SINHCAF: variants seen among roughly 807,000 people sequenced by gnomAD.
SINHCAF encodes the protein SIN3-HDAC complex-associated factor.
In SINHCAF, 3 loss-of-function variants were observed where a neutral mutation model predicts 25.8. That is an observed-to-expected ratio of 0.12 (90% CI 0.05 to 0.30). The LOEUF is 0.30. SINHCAF is among the 10% of genes least tolerant of loss of function. The probability of loss-of-function intolerance (pLI) is 1.00; values close to 1 mark genes in which losing one functional copy is unlikely to be tolerated. For synonymous variants in SINHCAF, 70 were observed against 85.5 expected, an observed-to-expected ratio of 0.82 and a Z score of 1.00; for missense variants, 121 against 262.3, an observed-to-expected ratio of 0.46 and a Z score of 3.72.
At chr12:31,319,461 A>T (rs1380692614) in intron 1 of SINHCAF, among the ~76,000 whole-genome samples, 1 of 152,234 alleles carries the variant, frequency 6.6e-6, no homozygotes, top group Non-Finnish European at 1.5e-5. Flanking sequence ...CCAGAGGCAG[A>T]GGTTGCAGTG....
chr12:31,318,254 A>G (rs1939567861), intron 1 of SINHCAF, among the ~76,000 whole-genome samples: 1 of 152,236 alleles, frequency 6.6e-6, no homozygotes, highest in Non-Finnish European at 1.5e-5. Context: ...AAGGAAACCC[A>G]TGGAGCAGTA....
intron 2 of SINHCAF, among the ~76,000 whole-genome samples, chr12:31,296,045 TA>T (rs917242546): frequency 1.3e-5 from 2 of 151,850 alleles, no homozygotes; most frequent in African/African-American, 2.4e-5. Context: ...TAATTTAATT[TA>T]AAAAAATGCT....
intron 4 of SINHCAF, among the ~76,000 whole-genome samples, chr12:31,292,088 A>C (rs1176214008): frequency 6.6e-6 from 1 of 152,222 alleles, no homozygotes; most frequent in Non-Finnish European, 1.5e-5. Flanking sequence ...AGTAAGACAA[A>C]AGTGAGATAT....
intron 1 of SINHCAF, among the ~76,000 whole-genome samples, chr12:31,305,657 A>G (rs1938991451): frequency 1.3e-5 from 2 of 151,574 alleles, no homozygotes; most frequent in South Asian, 4.2e-4. Context: ...AGAGGAACTA[A>G]GGGTGGTAGG....
At chr12:31,294,074 G>A in intron 3 of SINHCAF, 143 bp from the exon 4 acceptor site, 1 of 546,666 alleles carries the variant, frequency 1.8e-6, no homozygotes, top group Non-Finnish European at 3.1e-6. Flanking sequence ...ATCATCACAT[G>A]ACATAAGGGA....
chr12:31,307,898 AAGAG>A (rs1939102618), intron 1 of SINHCAF, among the ~76,000 whole-genome samples: 1 of 152,154 alleles, frequency 6.6e-6, no homozygotes, highest in Admixed American at 6.5e-5. Context: ...CATGAACAGA[AAGAG>A]AGAAAGTTCA....
At chr12:31,303,742 T>C (rs751303198) in intron 1 of SINHCAF, 4 of 152,246 alleles carry the variant, frequency 2.6e-5, no homozygotes, top group Non-Finnish European at 4.4e-5. Flanking sequence ...GTAAGTGTGA[T>C]GACTGGGCAT....
chr12:31,287,513 T>C, intron 5 of SINHCAF, 121 bp downstream of exon 5: 2 of 620,402 alleles, frequency 3.2e-6, no homozygotes, highest in Non-Finnish European at 5.3e-6. Context: ...TCCTGCTTAA[T>C]CCACTGCAAT....
chr12:31,298,600 A>C, intron 1 of SINHCAF: 2 of 241,184 alleles, frequency 8.3e-6, no homozygotes, highest in South Asian at 5.6e-5. Flanking sequence ...TTTAAGACAC[A>C]CCTTTTTATT....
intron 5 of SINHCAF, among the ~76,000 whole-genome samples, chr12:31,286,791 T>TTA (rs1365222200): frequency 6.6e-6 from 1 of 152,244 alleles, no homozygotes; most frequent in Admixed American, 6.5e-5. Flanking sequence ...GGTATCAAAC[T>TTA]TATATCAGCC....
chr12:31,312,869 C>G (rs1939331079), intron 1 of SINHCAF, among the ~76,000 whole-genome samples: 1 of 152,186 alleles, frequency 6.6e-6, no homozygotes, highest in Non-Finnish European at 1.5e-5. Context: ...CCATTATTAT[C>G]TTCCAGAAGT....
intron 5 of SINHCAF, 133 bp from the exon 6 acceptor site, chr12:31,283,004 T>C (rs527672745): frequency 1.6e-6 from 1 of 631,484 alleles, no homozygotes; most frequent in Admixed American, 3.8e-5. Context: ...ACATTCCAAG[T>C]GAAAGGGCTC....
chr12:31,323,647 G>A (rs1201858422), intron 1 of SINHCAF, among the ~76,000 whole-genome samples: 3 of 152,062 alleles, frequency 2.0e-5, no homozygotes, highest in African/African-American at 7.2e-5. Context: ...ACCACCTCAA[G>A]AAACCAACTC....
At chr12:31,285,483 A>T (rs1017628562) in intron 5 of SINHCAF, among the ~76,000 whole-genome samples, 1 of 151,176 alleles carries the variant, frequency 6.6e-6, no homozygotes, top group Non-Finnish European at 1.5e-5. Flanking sequence ...ACAATATTGT[A>T]TGATTTTTAC....
chr12:31,295,842 A>AG (rs1181573116), intron 2 of SINHCAF, among the ~76,000 whole-genome samples: 3 of 151,966 alleles, frequency 2.0e-5, no homozygotes, highest in Non-Finnish European at 2.9e-5. Flanking sequence ...ACTGCACTCC[A>AG]GCCTGGGCAA....
intron 1 of SINHCAF, among the ~76,000 whole-genome samples, chr12:31,300,313 A>G (rs1413521550): frequency 6.6e-6 from 1 of 152,208 alleles, no homozygotes; most frequent in African/African-American, 2.4e-5. Context: ...TTGTTAATAA[A>G]CTGTTCCTCT....
chr12:31,304,349 C>A (rs1938939599), intron 1 of SINHCAF: 2 of 152,162 alleles, frequency 1.3e-5, no homozygotes, highest in Non-Finnish European at 1.5e-5. Context: ...TGATATATAA[C>A]AAATGAGACG....
At chr12:31,316,803 A>T (rs147919974) in intron 1 of SINHCAF, among the ~76,000 whole-genome samples, 1 of 152,320 alleles carries the variant, frequency 6.6e-6, no homozygotes, top group Non-Finnish European at 1.5e-5. Context: ...CAAATTTTAG[A>T]GCTTTAGTAC....
At chr12:31,313,144 C>G (rs1323659563) in intron 1 of SINHCAF, among the ~76,000 whole-genome samples, 1 of 152,174 alleles carries the variant, frequency 6.6e-6, no homozygotes, top group Non-Finnish European at 1.5e-5. Flanking sequence ...CCTGCCTCAG[C>G]CTCCCAAGTA....
Sources: gnomAD v4.1 joint callset for allele counts (sites outside exome capture counted in the v4.1 genomes callset) on GRCh38, gnomAD v4.1.1 for gene constraint, MANE v1.5 for transcripts, NCBI Gene and HGNC (gene_info 2026-07-23, HGNC 2026-07-21) for gene names.